The following DUOX1 variants were observed in gnomAD, a reference collection of about 807,000 sequenced individuals.
The protein encoded by DUOX1 is dual oxidase 1, also known as NADPH thyroid oxidase 1.
A neutral mutation model predicts 181.8 loss-of-function variants in DUOX1; 134 were observed. That is an observed-to-expected ratio of 0.74 (90% CI 0.64 to 0.85). The LOEUF (loss-of-function observed/expected upper bound fraction) is 0.85, where lower values mean the gene tolerates loss of function less well. DUOX1 is among the 40% of genes least tolerant of loss of function. The probability of loss-of-function intolerance (pLI) is 0.00; values close to 1 mark genes in which losing one functional copy is unlikely to be tolerated. For synonymous variants in DUOX1, 798 were observed against 832.5 expected, an observed-to-expected ratio of 0.96 and a Z score of 0.71; for missense variants, 1,814 against 2,064.4, an observed-to-expected ratio of 0.88 and a Z score of 2.35.
rs1165743286 is a variant in DUOX1 at position 45,142,735 on chromosome 15, GA to G, written c.1823-452del. 2.1e-5 allele frequency among the ~76,000 whole-genome samples: 3 copies of G among 145,880 alleles called. No homozygotes were observed. In the East Asian group the frequency reaches 6.8e-4, roughly 33 times the overall value. ...AGCGAAACTCTGTCAAAAAAAGAAA[GA>G]AAGAGAGAGAGAGAGAATGGAAGGA... On this transcript the variant is annotated intron_variant, in intron 15 of 33. Coordinates refer to ENST00000389037, the MANE Select transcript of DUOX1 (RefSeq NM_175940.3).
At chr15:45,163,467 G>A (rs888039066) in intron 31 of DUOX1, 65 bp from the exon 32 acceptor site, 1 of 1,600,214 alleles carries the variant, frequency 6.2e-7, no homozygotes, top group African/African-American at 1.3e-5. Flanking sequence ...TATCAGTATG[G>A]ACACCCCTGG....
intron 29 of DUOX1, among the ~76,000 whole-genome samples, chr15:45,161,415 C>CAAAAAAAAA (rs35506541): frequency 6.2e-5 from 3 of 48,198 alleles, no homozygotes; most frequent in East Asian, 9.3e-4. Flanking sequence ...GAGACTGTGT[C>CAAAAAAAAA]AAAAAAAAAA....
intron 22 of DUOX1, 136 bp from the exon 23 acceptor site, chr15:45,150,987 C>T: frequency 7.9e-7 from 1 of 1,268,906 alleles, no homozygotes. Flanking sequence ...CTATAGGTGA[C>T]TGTGGGAATC....
In DUOX1 at chr15:45,155,876, A is replaced by C; in HGVS notation, c.3649A>C (p.Ser1217Arg). 6.2e-7 allele frequency: 1 copy of C among 1,614,072 alleles called. No homozygotes were observed. The highest frequency in any genetic ancestry group is 8.5e-7 in the Non-Finnish European group (1 of 1,180,012). ...VFASHHFRRR[S>R]FRGFWLTHHL... Reference sequence around the variant, plus strand: ...TGCCTCCCACCACTTCCGCCGCCGCAGTTTCCGGGGCTTCTGGCTGACCCA... The same window carrying C: ...TGCCTCCCACCACTTCCGCCGCCGCCGTTTCCGGGGCTTCTGGCTGACCCA... The change falls in exon 28 of 34, where the codon AGT becomes CGT. Residue 1217 changes from serine to arginine, a missense_variant. Around this residue, in one of 5 missense-constraint regions of DUOX1, gnomAD observed 279 missense variants for 381.9 expected, o/e 0.73. Coordinates refer to ENST00000389037, the MANE Select transcript of DUOX1 (RefSeq NM_175940.3).
At chr15:45,153,559 G>A in intron 26 of DUOX1, 80 bp downstream of exon 26, 1 of 1,300,140 alleles carries the variant, frequency 7.7e-7, no homozygotes, top group South Asian at 1.2e-5. Context: ...TAATGGGGAG[G>A]ATTCCTTTTG....
At position 45,163,853 on chromosome 15, in the gene DUOX1, A is replaced by C; in HGVS notation, c.4468A>C (p.Ile1490Leu). The C allele has an allele frequency of 1.9e-6, 3 of 1,614,036 alleles. No homozygotes were observed. Among genetic ancestry groups the C allele is most frequent in the Non-Finnish European group, 2.5e-6 (3 of 1,179,998 alleles). ...NRSLFTGLRS[I>L]THFGRPPFEP... ...GAGTCTATTCACAGGCCTGCGCTCC[A>C]TCACCCACTTTGGCCGTCCCCCCTT... Residue 1490 changes from isoleucine to leucine, a missense_variant, in exon 33 of 34, where the codon ATC (isoleucine) becomes CTC (leucine). Ile to Leu is a conservative substitution (Grantham distance 5). This residue lies in a region of DUOX1 where 124 missense variants were observed against 125.7 expected (regional missense o/e 0.99). Transcript: ENST00000389037.
At chr15:45,163,493 A>T (rs1192170489) in intron 31 of DUOX1, 39 bp from the exon 32 acceptor site, 1 of 1,611,998 alleles carries the variant, frequency 6.2e-7, no homozygotes, top group Non-Finnish European at 8.5e-7. Context: ...AGGGAGACTG[A>T]GCTGAGATGG....
At position 45,161,866 on chromosome 15, in the gene DUOX1, G is replaced by T. The variant is rs1251317298; in HGVS notation, c.3985G>T (p.Glu1329Ter). The T allele has an allele frequency of 3.7e-6, 6 of 1,613,706 alleles. No homozygotes were observed. The highest frequency in any genetic ancestry group is 5.1e-6 in the Non-Finnish European group (6 of 1,179,954). The change falls in exon 30 of 34, where the codon GAG becomes TAG. Residue 1329 changes from glutamate to a stop codon, truncating the protein, a stop_gained. Transcript: ENST00000389037. LOFTEE classifies it high-confidence loss of function. ...HPFTLTSAPH[E>*]DTLSLHIRAA... The stretch of plus-strand genomic sequence containing the variant: ...CTTCACACTGACCTCTGCGCCCCAT[G>T]AGGACACGCTTAGCCTGCACATCCG...
Position 45,153,412 on chromosome 15 carries a change from T to G in DUOX1, c.3457T>G (p.Tyr1153Asp). The G allele has an allele frequency of 6.2e-7, 1 of 1,614,016 alleles. No individual in the cohort carries two copies. The highest frequency in any genetic ancestry group is 8.5e-7 in the Non-Finnish European group (1 of 1,179,974). ...LHSVGHVVNV[Y>D]LFSISPLSVL... ...CAGTGTGGGCCATGTGGTGAATGTG[T>G]ACCTGTTCTCCATCAGCCCCCTCAG... The change falls in exon 26 of 34, where the codon TAC becomes GAC. Residue 1153 changes from tyrosine (Y) to aspartate (D), a missense_variant. Transcript: ENST00000389037.
intron 31 of DUOX1, among the ~76,000 whole-genome samples, chr15:45,163,244 A>T (rs1449369806): frequency 1.3e-5 from 2 of 152,164 alleles, no homozygotes; most frequent in African/African-American, 2.4e-5. Context: ...GCTGTAGGAC[A>T]GGCTGAGCAT....
chr15:45,151,804 C>A, intron 23 of DUOX1, 70 bp from the exon 24 acceptor site: 2 of 1,514,766 alleles, frequency 1.3e-6, no homozygotes, highest in South Asian at 1.3e-5. Context: ...GGCTCACCTC[C>A]GTGAAGTGGG....
intron 29 of DUOX1, 27 bp from the exon 30 acceptor site, chr15:45,161,693 TGCTGGGTTCAGGGCAGCA>T (rs772452492): frequency 3.8e-6 from 6 of 1,577,118 alleles, no homozygotes; most frequent in Non-Finnish European, 5.2e-6. Context: ...GCCACATTGT[TGCTGGGTTCAGGGCAGCA>T]GCTTCTCACC....
chr15:45,133,880 T>G lies in DUOX1; in HGVS notation c.75T>G (p.Ile25Met). The change falls in exon 3 of 34, where the codon ATT becomes ATG. Residue 25 changes from isoleucine to methionine, a missense_variant. Transcript: ENST00000389037. The part of the protein sequence containing the change: ...AWTPLGAQNP[I>M]SWEVQRFDGW... ...CTCACACAGGAGCTCAGAACCCCAT[T>G]TCGTGGGAGGTGCAGCGATTTGATG... 6.2e-7 allele frequency: 1 copy of G among 1,613,730 alleles called. No homozygotes were observed. Among genetic ancestry groups the G allele is most frequent in the South Asian group, 1.1e-5 (1 of 91,052 alleles).
intron 10 of DUOX1, 62 bp downstream of exon 10, chr15:45,138,076 G>GTC: frequency 9.1e-7 from 1 of 1,097,662 alleles, no homozygotes; most frequent in Non-Finnish European, 1.3e-6. Flanking sequence ...GTGTGTGTGT[G>GTC]TATGTGTGTG....
rs1170510232 is a variant in DUOX1 at position 45,144,232 on chromosome 15, C to T, written c.2133C>T (p.Asp711=). ...TGCTCAAGATCCCCAAGGAGTATGA[C>T]CTGGTATGGCTCAGCTGGCATCTGG... ...TLLLKIPKEY[D]LVLLFNLEEE... The change falls in exon 17 of 34, where the codon GAC becomes GAT. Residue 711 remains aspartate, a synonymous_variant. Coordinates refer to ENST00000389037, the MANE Select transcript of DUOX1 (RefSeq NM_175940.3). The T allele has an allele frequency of 6.2e-7, 1 of 1,613,852 alleles. No individual in the cohort carries two copies. The highest frequency in any genetic ancestry group is 1.1e-5 in the South Asian group (1 of 91,092).
At chr15:45,160,207 T>C (rs1209484732) in intron 28 of DUOX1, among the ~76,000 whole-genome samples, 3 of 152,058 alleles carry the variant, frequency 2.0e-5, no homozygotes, top group African/African-American at 7.2e-5. Context: ...CTAAGAGAGT[T>C]AACAGGCAGA....
chr15:45,163,826 C>G lies in DUOX1; in HGVS notation c.4441C>G (p.Arg1481Gly). Residue 1481 changes from arginine (R) to glycine (G), a missense_variant, in exon 33 of 34, where the codon CGG (arginine) becomes GGG (glycine). Physicochemically the swap from Arg to Gly is moderately radical, Grantham distance 125. This residue lies in a region of DUOX1 where 124 missense variants were observed against 125.7 expected (regional missense o/e 0.99). Transcript: ENST00000389037. ...CERHFQKVLN[R>G]SLFTGLRSIT... ...GCGGCACTTCCAGAAGGTTCTGAAC[C>G]GGAGTCTATTCACAGGCCTGCGCTC... 6.2e-7 allele frequency: 1 copy of G among 1,614,116 alleles called. No individual in the cohort carries two copies. Among genetic ancestry groups the G allele is most frequent in the Non-Finnish European group, 8.5e-7 (1 of 1,180,012 alleles).
At chr15:45,140,003 G>T in intron 12 of DUOX1, 1 of 1,152,640 alleles carries the variant, frequency 8.7e-7, no homozygotes, top group Non-Finnish European at 1.2e-6. Flanking sequence ...CTGGACTGGT[G>T]GCCCAGGCCA....
rs1214059677 is a variant in DUOX1, at chr15:45,165,355, C to G, written c.*454C>G. 1 of 159,836 alleles carries G rather than the reference C, an allele frequency of 6.3e-6. No homozygotes were observed. The highest frequency in any genetic ancestry group is 6.4e-5 in the Admixed American group (1 of 15,616). The allele number at this position is 159,836 out of a possible 1,614,324, so 9.9% of individuals were successfully genotyped here. On this transcript the variant is annotated 3_prime_UTR_variant, in exon 34 of 34. Coordinates refer to ENST00000389037, the MANE Select transcript of DUOX1 (RefSeq NM_175940.3). Reference sequence around the variant, plus strand: ...CTCTTCTGGGCTCCCCACTGTCAGACGGGCTGGCAAATGCCTTGCAGGAGG... The same window carrying G: ...CTCTTCTGGGCTCCCCACTGTCAGAGGGGCTGGCAAATGCCTTGCAGGAGG...
Sources: gnomAD v4.1 joint callset for allele counts (sites outside exome capture counted in the v4.1 genomes callset) on GRCh38, gnomAD v4.1.1 for gene constraint, gnomAD v4.1.1 regional missense constraint, MANE v1.5 for transcripts, NCBI Gene and HGNC (gene_info 2026-07-23, HGNC 2026-07-21) for gene names.